The following LRBA variants were observed in gnomAD, a reference collection of about 807,000 sequenced individuals.
LRBA encodes lipopolysaccharide-responsive and beige-like anchor protein.
Under a neutral mutation model 330.0 loss-of-function variants are expected in LRBA, and 176 were observed. The ratio of observed to expected loss-of-function variants is 0.53; its 90% confidence interval spans 0.47 to 0.60. The LOEUF (loss-of-function observed/expected upper bound fraction) is 0.60. Among genes scored for constraint, LRBA ranks in the 20% least tolerant of loss-of-function variants. LRBA has a pLI of 0.00. For missense variants in LRBA, 3,259 were observed against 3,444.8 expected, an observed-to-expected ratio of 0.95 and a Z score of 1.35; for synonymous variants, 1,230 against 1,193.0, an observed-to-expected ratio of 1.03 and a Z score of -0.64.
At chr4:150,474,447 A>G (rs1756487166) in intron 42 of LRBA, among the ~76,000 whole-genome samples, 1 of 152,176 alleles carries the variant, frequency 6.6e-6, no homozygotes, top group Non-Finnish European at 1.5e-5. Context: ...ATCAAGGTAC[A>G]TCTTCCAATT....
chr4:150,610,180 T>G (rs1029441557), intron 37 of LRBA, among the ~76,000 whole-genome samples: 17 of 152,184 alleles, frequency 1.1e-4, no homozygotes, highest in African/African-American at 4.1e-4. Flanking sequence ...ATTAAATAGC[T>G]TATGAAGGTC....
chr4:150,840,292 C>T (rs1321503036), intron 28 of LRBA, among the ~76,000 whole-genome samples: 3 of 152,218 alleles, frequency 2.0e-5, no homozygotes, highest in African/African-American at 4.8e-5. Context: ...CACAACTTGG[C>T]TAAATGTTTG....
chr4:150,708,379 T>C lies in LRBA; in HGVS notation c.5755-24662A>G, dbSNP rs541429705. ...CAGAAAGCAAACAAATTTATTTTTA[T>C]CTTTTCAATAATTCACTTCTTTATG... On this transcript the variant is annotated intron_variant, in intron 36 of 56. Coordinates refer to ENST00000651943, the MANE Select transcript of LRBA (RefSeq NM_001364905.1). 5.3e-5 allele frequency among the ~76,000 whole-genome samples: 8 copies of C among 151,984 alleles called. No homozygotes were observed. In the South Asian group the frequency reaches 1.2e-3, roughly 24 times the overall value.
rs999232338 is a variant in LRBA at position 150,841,754 on chromosome 4, G to A, written c.4569+2346C>T. On this transcript the variant is annotated intron_variant, in intron 28 of 56. Transcript: ENST00000651943. ...TGCAAGCTCCGCCTCCCGAGTTCAC[G>A]CCATTCTCCCGCCTCAGCCTCCCGA... Among the ~76,000 whole-genome samples, 34 of 152,032 alleles carry A rather than the reference G, an allele frequency of 2.2e-4. 1 individual carries two copies. Among genetic ancestry groups the A allele is most frequent in the African/African-American group, 6.5e-4 (27 of 41,472 alleles).
intron 40 of LRBA, among the ~76,000 whole-genome samples, chr4:150,492,299 G>A (rs2152106552): frequency 6.6e-6 from 1 of 152,066 alleles, no homozygotes; most frequent in South Asian, 2.1e-4. Context: ...TAACTCTAAG[G>A]GAGAGTGTTT....
intron 40 of LRBA, among the ~76,000 whole-genome samples, chr4:150,550,724 G>C (rs1199214995): frequency 6.6e-6 from 1 of 152,138 alleles, no homozygotes; most frequent in Non-Finnish European, 1.5e-5. Context: ...TTGCATTTGT[G>C]TGCTCATTCA....
intron 40 of LRBA, among the ~76,000 whole-genome samples, chr4:150,523,099 T>C (rs940920411): frequency 1.3e-5 from 2 of 152,250 alleles, no homozygotes; most frequent in Admixed American, 1.3e-4. Flanking sequence ...GGATGGCATC[T>C]ACATGATATT....
chr4:150,292,195 T>C (rs991785190), intron 53 of LRBA, among the ~76,000 whole-genome samples: 74 of 152,200 alleles, frequency 4.9e-4, no homozygotes, highest in African/African-American at 1.7e-3. Flanking sequence ...GGAATTTCTC[T>C]AGTATCTTGC....
chr4:150,511,725 G>A (rs570160290), intron 40 of LRBA, among the ~76,000 whole-genome samples: 19 of 152,284 alleles, frequency 1.2e-4, no homozygotes, highest in African/African-American at 1.4e-4. Context: ...CTGTGAAATC[G>A]ATGTCATTTT....
intron 29 of LRBA, among the ~76,000 whole-genome samples, chr4:150,828,920 GGGGTGT>G (rs1176208347): frequency 0.22 from 11,881 of 53,126 alleles, 709 homozygotes; most frequent in African/African-American, 0.27. Flanking sequence ...ATCTTTTTTG[GGGGTGT>G]GTGTGTGTGT....
chr4:150,888,974 C>T (rs1729207976), intron 17 of LRBA, among the ~76,000 whole-genome samples: 1 of 152,054 alleles, frequency 6.6e-6, no homozygotes, highest in South Asian at 2.1e-4. Context: ...TTTATTCATG[C>T]AATTATGGAG....
chr4:150,375,485 TCTCA>T (rs201562374), intron 47 of LRBA, among the ~76,000 whole-genome samples: 2,098 of 152,028 alleles, frequency 0.014, 48 homozygotes, highest in East Asian at 0.052. Context: ...TGAGATGGAG[TCTCA>T]CTATGTCACC....
At chr4:150,818,933 T>C (rs1356722050) in intron 30 of LRBA, among the ~76,000 whole-genome samples, 1 of 152,084 alleles carries the variant, frequency 6.6e-6, no homozygotes, top group Non-Finnish European at 1.5e-5. Flanking sequence ...AGAAAGCTTA[T>C]GTCCACAAAA....
chr4:150,787,155 G>T (rs570823602), intron 34 of LRBA, among the ~76,000 whole-genome samples: 1 of 152,014 alleles, frequency 6.6e-6, no homozygotes, highest in South Asian at 2.1e-4. Flanking sequence ...TCACCGCGGA[G>T]GTTGCAGGGA....
At chr4:150,823,642 T>C (rs1052601460) in intron 30 of LRBA, among the ~76,000 whole-genome samples, 4 of 152,192 alleles carry the variant, frequency 2.6e-5, no homozygotes, top group Non-Finnish European at 5.9e-5. Flanking sequence ...TTTTTGTATA[T>C]AGTAAGAGAT....
At chr4:150,884,748 C>T (rs1054405591) in intron 17 of LRBA, among the ~76,000 whole-genome samples, 3 of 151,962 alleles carry the variant, frequency 2.0e-5, no homozygotes, top group African/African-American at 7.3e-5. Flanking sequence ...TAGAGTTGCC[C>T]AGTTTTCAAC....
intron 13 of LRBA, among the ~76,000 whole-genome samples, chr4:150,901,031 T>A (rs901279395): frequency 2.0e-5 from 3 of 152,110 alleles, no homozygotes; most frequent in African/African-American, 7.2e-5. Context: ...ACCCCAGTGA[T>A]TCACGCCTGT....
chr4:150,975,686 A>C (rs1424547127), intron 2 of LRBA, among the ~76,000 whole-genome samples: 2 of 152,140 alleles, frequency 1.3e-5, no homozygotes, highest in African/African-American at 4.8e-5. Flanking sequence ...TATTAAGCCT[A>C]GATGGGCACA....
chr4:151,005,326 T>A (rs1743887049), intron 2 of LRBA, among the ~76,000 whole-genome samples: 1 of 142,878 alleles, frequency 7.0e-6, no homozygotes. Context: ...GCGCCTGTAA[T>A]CCCAGTGAGG....
Sources: gnomAD v4.1 joint callset for allele counts (sites outside exome capture counted in the v4.1 genomes callset) on GRCh38, gnomAD v4.1.1 for gene constraint, MANE v1.5 for transcripts, NCBI Gene and HGNC (gene_info 2026-07-23, HGNC 2026-07-21) for gene names.